Variants in SGCD observed in about 807,000 individuals in gnomAD.
The protein encoded by SGCD is sarcoglycan delta, also known as delta-sarcoglycan.
In SGCD, 18 loss-of-function variants were observed where a neutral mutation model predicts 36.6. The observed-to-expected ratio is 0.49, with a 90% confidence interval of 0.34 to 0.73. The LOEUF (loss-of-function observed/expected upper bound fraction) is 0.73, where lower values mean the gene tolerates loss of function less well. Ranked by LOEUF, SGCD falls within the 30% of genes least tolerant of loss-of-function variation. SGCD has a pLI of 0.01. For missense variants in SGCD, 387 were observed against 346.7 expected, an observed-to-expected ratio of 1.12 and a Z score of -0.92; for synonymous variants, 133 against 130.6, an observed-to-expected ratio of 1.02 and a Z score of -0.12.
At chr5:156,295,099 G>C (rs140081520) in intron 3 of SGCD, among the ~76,000 whole-genome samples, 3 of 152,072 alleles carry the variant, frequency 2.0e-5, no homozygotes, top group African/African-American at 7.2e-5. Context: ...GAAGCCATCA[G>C]GTTCATGGCT....
At chr5:156,736,125 T>TCCTTG (rs1325044883) in intron 7 of SGCD, among the ~76,000 whole-genome samples, 2 of 152,174 alleles carry the variant, frequency 1.3e-5, no homozygotes, top group Non-Finnish European at 2.9e-5. Context: ...TCGAGTTGTT[T>TCCTTG]CCTTGATTAG....
intron 4 of SGCD, among the ~76,000 whole-genome samples, chr5:156,563,679 G>A (rs963698720): frequency 2.0e-5 from 3 of 152,134 alleles, no homozygotes; most frequent in Non-Finnish European, 4.4e-5. Flanking sequence ...ATTGCTTAAC[G>A]GAAGCTGTTT....
intron 3 of SGCD, among the ~76,000 whole-genome samples, chr5:156,475,914 C>A (rs1413904441): frequency 6.6e-6 from 1 of 152,210 alleles, no homozygotes; most frequent in African/African-American, 2.4e-5. Context: ...ACAGGCAGCA[C>A]ATTCCTTGCA....
the SGCD span, among the ~76,000 whole-genome samples, chr5:155,822,134 A>G: frequency 6.6e-6 from 1 of 152,230 alleles, no homozygotes; most frequent in African/African-American, 2.4e-5. Flanking sequence ...GTGAGGAGAG[A>G]GGCATATAAA....
intron 3 of SGCD, among the ~76,000 whole-genome samples, chr5:156,220,165 G>T (rs1764682710): frequency 6.6e-6 from 1 of 152,176 alleles, no homozygotes; most frequent in Admixed American, 6.5e-5. Flanking sequence ...TAGGGAAGGA[G>T]CATTTCCAGT....
intron 7 of SGCD, among the ~76,000 whole-genome samples, chr5:156,745,599 C>G (rs149889087): frequency 6.6e-6 from 1 of 152,186 alleles, no homozygotes; most frequent in Non-Finnish European, 1.5e-5. Flanking sequence ...GGCAGGAAAA[C>G]AAGGCAGCCA....
the SGCD span, among the ~76,000 whole-genome samples, chr5:155,744,134 T>C: frequency 6.6e-6 from 1 of 152,042 alleles, no homozygotes; most frequent in East Asian, 1.9e-4. Flanking sequence ...GGTATTAGAG[T>C]TATCAGAGAA....
intron 1 of SGCD, among the ~76,000 whole-genome samples, chr5:156,039,695 G>A (rs888177573): frequency 6.6e-6 from 1 of 152,148 alleles, no homozygotes; most frequent in African/African-American, 2.4e-5. Context: ...TCTCATTTCA[G>A]CTTTTATACC....
intron 7 of SGCD, among the ~76,000 whole-genome samples, chr5:156,657,235 T>C (rs1763722434): frequency 6.6e-6 from 1 of 151,594 alleles, no homozygotes; most frequent in African/African-American, 2.4e-5. Flanking sequence ...TTTTTTCCTC[T>C]CTCTTTTATT....
At chr5:156,193,206 C>T (rs1325775881) in intron 3 of SGCD, among the ~76,000 whole-genome samples, 1 of 152,052 alleles carries the variant, frequency 6.6e-6, no homozygotes, top group Admixed American at 6.6e-5. Context: ...CAGCTGGACT[C>T]CTGTGCTTCC....
chr5:156,303,067 C>T (rs1405201474), intron 3 of SGCD, among the ~76,000 whole-genome samples: 1 of 152,262 alleles, frequency 6.6e-6, no homozygotes, highest in East Asian at 1.9e-4. Context: ...AGTTAGCTGC[C>T]CCAACCCTCC....
chr5:156,453,291 T>C (rs77876735), intron 3 of SGCD, among the ~76,000 whole-genome samples: 447 of 152,292 alleles, frequency 2.9e-3, no homozygotes, highest in African/African-American at 0.01. Flanking sequence ...GACAATTTCT[T>C]CTTTATGTAG....
chr5:156,419,102 C>A (rs936944051), intron 3 of SGCD, among the ~76,000 whole-genome samples: 2 of 151,846 alleles, frequency 1.3e-5, no homozygotes, highest in African/African-American at 4.8e-5. Flanking sequence ...TTTCAACCAC[C>A]CACAGAATGC....
intron 3 of SGCD, among the ~76,000 whole-genome samples, chr5:156,173,569 A>C (rs1763391575): frequency 6.6e-6 from 1 of 152,198 alleles, no homozygotes; most frequent in South Asian, 2.1e-4. Context: ...AGTTAAGTAC[A>C]TAGCATTTGC....
At chr5:156,474,073 A>T (rs1755081636) in intron 3 of SGCD, among the ~76,000 whole-genome samples, 1 of 151,344 alleles carries the variant, frequency 6.6e-6, no homozygotes, top group African/African-American at 2.4e-5. Flanking sequence ...GGGGAGGGAG[A>T]GCACTTTGTC....
At chr5:156,342,833 C>T (rs560461425) in intron 2 of SGCD, among the ~76,000 whole-genome samples, 3 of 152,340 alleles carry the variant, frequency 2.0e-5, no homozygotes, top group Non-Finnish European at 2.9e-5. Context: ...GAGCTGGTAG[C>T]AGATGGGAAA....
chr5:156,164,684 A>C (rs191554293), intron 3 of SGCD, among the ~76,000 whole-genome samples: 26 of 152,322 alleles, frequency 1.7e-4, no homozygotes, highest in East Asian at 1.5e-3. Context: ...AGTGATTTGT[A>C]GAGGGCTTAT....
chr5:156,642,099 T>A (rs570776650), intron 6 of SGCD, among the ~76,000 whole-genome samples: 13 of 152,280 alleles, frequency 8.5e-5, no homozygotes, highest in African/African-American at 3.1e-4. Flanking sequence ...TCTTACTGTA[T>A]CTTCACATGG....
chr5:155,956,964 C>A (rs1338484349), intron 1 of SGCD, among the ~76,000 whole-genome samples: 1 of 152,020 alleles, frequency 6.6e-6, no homozygotes, highest in Non-Finnish European at 1.5e-5. Context: ...ACCTTCCCTG[C>A]TTCTTGGTTC....
Sources: allele counts gnomAD v4.1 joint callset (sites outside exome capture counted in the v4.1 genomes callset), GRCh38; gene constraint gnomAD v4.1.1; transcripts MANE v1.5; gene names NCBI Gene and HGNC (gene_info 2026-07-23, HGNC 2026-07-21).